CYFIP2: variants seen among roughly 807,000 people sequenced by gnomAD.
The protein encoded by CYFIP2 is cytoplasmic FMR1 interacting protein 2.
In CYFIP2, 29 loss-of-function variants were observed where a neutral mutation model predicts 158.7. The ratio of observed to expected loss-of-function variants is 0.18; its 90% CI spans 0.14 to 0.25. The LOEUF (loss-of-function observed/expected upper bound fraction) is 0.25. Ranked by LOEUF, CYFIP2 falls within the 10% of genes least tolerant of loss-of-function variation. The pLI is 1.00. For synonymous variants in CYFIP2, 585 were observed against 617.6 expected (o/e 0.95, Z 0.78); for missense variants, 852 against 1,639.5 (o/e 0.52, Z 8.29).
intron 23 of CYFIP2, chr5:157,342,272 TA>T (rs1363631745): frequency 6.6e-6 from 1 of 152,646 alleles, no homozygotes; most frequent in African/African-American, 2.4e-5. Context: ...AGTTTACGCT[TA>T]AAAAATGAGT....
At chr5:157,356,361 C>T (rs1763410363) in intron 23 of CYFIP2, among the ~76,000 whole-genome samples, 1 of 152,164 alleles carries the variant, frequency 6.6e-6, no homozygotes, top group Non-Finnish European at 1.5e-5. Flanking sequence ...AGGCCCACCT[C>T]CTAATACTAT....
Position 157,393,923 on chromosome 5 carries a change from A to G in CYFIP2, c.*923A>G, listed in dbSNP as rs1767548685. 6.6e-6 allele frequency: 1 copy of G among 152,204 alleles called. No homozygotes were observed. The highest frequency in any genetic ancestry group is 2.4e-5 in the African/African-American group (1 of 41,430). 9.4% of individuals were successfully genotyped at this position (152,204 alleles called of 1,614,324 possible). The stretch of plus-strand genomic sequence containing the variant: ...TCAAGGAACATTTCCACAAGAAAGA[A>G]AATATTAAGGGGTTATTTCCACAGA... On this transcript the variant is annotated 3_prime_UTR_variant, in exon 31 of 31. Transcript: ENST00000620254.
At chr5:157,296,453 A>C (rs1240547198) in intron 4 of CYFIP2, 2 of 529,140 alleles carry the variant, frequency 3.8e-6, no homozygotes, top group African/African-American at 1.9e-5. Flanking sequence ...AATTAGCTGG[A>C]TATAGTGTTG....
chr5:157,277,921 A>G (rs2113823561), intron 1 of CYFIP2, among the ~76,000 whole-genome samples: 1 of 152,284 alleles, frequency 6.6e-6, no homozygotes, highest in Non-Finnish European at 1.5e-5. Flanking sequence ...CTGGGCTGCA[A>G]ACCTGTACGG....
intron 15 of CYFIP2, among the ~76,000 whole-genome samples, chr5:157,321,712 C>T (rs1240726787): frequency 6.6e-6 from 1 of 152,098 alleles, no homozygotes; most frequent in East Asian, 1.9e-4. Context: ...CGACCCTTCT[C>T]CCTGTGTGTG....
chr5:157,350,238 A>C (rs1190013621), intron 23 of CYFIP2, among the ~76,000 whole-genome samples: 1 of 152,144 alleles, frequency 6.6e-6, no homozygotes, highest in Non-Finnish European at 1.5e-5. Flanking sequence ...TTATCTTATA[A>C]AATTTTTATG....
At chr5:157,388,069 C>G (rs1766874979) in intron 28 of CYFIP2, among the ~76,000 whole-genome samples, 1 of 152,346 alleles carries the variant, frequency 6.6e-6, no homozygotes, top group Admixed American at 6.5e-5. Flanking sequence ...TTGGTGAAAC[C>G]TCCCACTGGG....
intron 3 of CYFIP2, chr5:157,288,640 C>T (rs768470669): frequency 8.8e-6 from 4 of 456,000 alleles, no homozygotes; most frequent in Non-Finnish European, 1.8e-5. Flanking sequence ...CTCATTTGCT[C>T]CTGACATCAA....
At chr5:157,384,139 T>C (rs1581197816) in intron 28 of CYFIP2, 1 of 375,664 alleles carries the variant, frequency 2.7e-6, no homozygotes. Flanking sequence ...AATGAGCTTA[T>C]ATGTTATTCT....
In CYFIP2 at chr5:157,395,564, C is replaced by A; in HGVS notation, c.*2564C>A. 8.0e-7 allele frequency: 1 copy of A among 1,253,550 alleles called. No individual in the cohort carries two copies. Among genetic ancestry groups the A allele is most frequent in the South Asian group, 1.2e-5 (1 of 80,166 alleles). 77.7% of individuals were successfully genotyped at this position (1,253,550 alleles called of 1,614,324 possible). ...TTGAGTTGATAAACATTTCCATCTT[C>A]ATTAAAACTGCTTCCAAACTAGTAA... is the stretch of plus-strand genomic sequence containing the variant. On this transcript the variant is annotated 3_prime_UTR_variant, in exon 31 of 31. Coordinates refer to ENST00000620254, the MANE Select transcript of CYFIP2 (RefSeq NM_001037333.3).
At chr5:157,323,365 G>C (rs949770070) in intron 15 of CYFIP2, among the ~76,000 whole-genome samples, 1 of 152,116 alleles carries the variant, frequency 6.6e-6, no homozygotes, top group African/African-American at 2.4e-5. Context: ...GGTGTGGGAG[G>C]GGGTTCGTTC....
chr5:157,359,274 C>A (rs1649630004), intron 24 of CYFIP2, 126 bp downstream of exon 24: 1 of 1,030,270 alleles, frequency 9.7e-7, no homozygotes, highest in African/African-American at 1.6e-5. Context: ...CCTGTAGAAA[C>A]CACTCAAGGA....
At position 157,379,763 on chromosome 5, in the gene CYFIP2, C is replaced by T. The variant is rs61355255; in HGVS notation, c.3040-2827C>T. Among the ~76,000 whole-genome samples, 408 of 147,942 alleles carry T rather than the reference C, an allele frequency of 2.8e-3. 3 individuals carry two copies. The highest frequency in any genetic ancestry group is 9.5e-3 in the African/African-American group (385 of 40,510). ...ATTTAAGGAGGAAATAGTACCAATT[C>T]TACATGGTCTCCTCTGTAACCGCCC... On this transcript the variant is annotated intron_variant, in intron 26 of 30. Coordinates refer to ENST00000620254, the MANE Select transcript of CYFIP2 (RefSeq NM_001037333.3).
Position 157,395,292 on chromosome 5 carries a change from G to A in CYFIP2, c.*2292G>A, listed in dbSNP as rs1346880284. ...CCCAGCCTCTTTTTATTTTTTTTGT[G>A]TGTGTCTAATAACCAGGAAAAAAAT... On this transcript the variant is annotated 3_prime_UTR_variant, in exon 31 of 31. Coordinates refer to ENST00000620254, the MANE Select transcript of CYFIP2 (RefSeq NM_001037333.3). 1 of 267,758 alleles carries A rather than the reference G, an allele frequency of 3.7e-6. No homozygotes were observed. Among genetic ancestry groups the A allele is most frequent in the African/African-American group, 2.3e-5 (1 of 42,624 alleles). 16.6% of individuals were successfully genotyped at this position (267,758 alleles called of 1,614,324 possible). A position where few individuals can be genotyped will look rare whatever the true frequency, so the allele number is the denominator to read the frequency against.
chr5:157,275,958 T>C (rs1756510322), intron 1 of CYFIP2, among the ~76,000 whole-genome samples: 1 of 152,264 alleles, frequency 6.6e-6, no homozygotes, highest in African/African-American at 2.4e-5. Flanking sequence ...TGTGCATTGC[T>C]GGTATATAGA....
chr5:157,386,172 T>A (rs886779961), intron 28 of CYFIP2, among the ~76,000 whole-genome samples: 4 of 152,190 alleles, frequency 2.6e-5, no homozygotes, highest in Admixed American at 2.0e-4. Context: ...GTAAAATTTT[T>A]AAAATTTTTC....
At chr5:157,301,342 A>T (rs536908729) in intron 6 of CYFIP2, among the ~76,000 whole-genome samples, 1 of 152,350 alleles carries the variant, frequency 6.6e-6, no homozygotes, top group East Asian at 1.9e-4. Context: ...TGACAATGTT[A>T]GCCTGAGTGC....
chr5:157,376,687 C>T (rs1403178517), intron 26 of CYFIP2: 3 of 236,250 alleles, frequency 1.3e-5, no homozygotes, highest in Admixed American at 1.0e-4. Context: ...TCTTGGGTCT[C>T]ATATAGTCAG....
chr5:157,303,575 A>C, intron 7 of CYFIP2, among the ~76,000 whole-genome samples: 1 of 152,140 alleles, frequency 6.6e-6, no homozygotes, highest in East Asian at 1.9e-4. Flanking sequence ...AATCCATATC[A>C]CGGAGGCCCT....
Sources: allele counts gnomAD v4.1 joint callset (sites outside exome capture counted in the v4.1 genomes callset), GRCh38; gene constraint gnomAD v4.1.1; transcripts MANE v1.5; gene names NCBI Gene and HGNC (gene_info 2026-07-23, HGNC 2026-07-21).